Variants in EXD3 observed in about 807,000 individuals in gnomAD.
EXD3 encodes the protein exonuclease 3'-5' domain containing 3.
Under a neutral mutation model 98.0 loss-of-function variants are expected in EXD3, and 92 were observed. The ratio of observed to expected loss-of-function variants is 0.94; its 90% CI spans 0.79 to 1.12. The LOEUF is 1.12. Among genes scored for constraint, EXD3 ranks in the 50% most tolerant of loss-of-function variants. The probability of loss-of-function intolerance (pLI) is 0.00; values close to 1 mark genes in which losing one functional copy is unlikely to be tolerated. For missense variants in EXD3, 1,222 were observed against 1,191.6 expected (o/e 1.03, Z -0.38); for synonymous variants, 569 against 526.0 (o/e 1.08, Z -1.12).
chr9:137,364,843 A>G (rs1299565861), intron 7 of EXD3, among the ~76,000 whole-genome samples: 1 of 141,418 alleles, frequency 7.1e-6, no homozygotes, highest in African/African-American at 2.7e-5. Flanking sequence ...ATCTCGGCTC[A>G]CTGCAAGCTC....
chr9:137,399,048 A>G (rs1009149483), intron 1 of EXD3, among the ~76,000 whole-genome samples: 4 of 151,264 alleles, frequency 2.6e-5, no homozygotes, highest in African/African-American at 9.7e-5. Flanking sequence ...ACATACACAG[A>G]CTGTCCCTGT....
At position 137,407,865 on chromosome 9, in the gene EXD3, G is replaced by A. The variant is rs984096430; in HGVS notation, c.-47-12461C>T. Among the ~76,000 whole-genome samples the A allele has an allele frequency of 7.1e-6, 1 of 140,230 alleles. No homozygotes were observed. Among genetic ancestry groups the A allele is most frequent in the African/African-American group, 2.5e-5 (1 of 40,510 alleles). 92.0% of individuals were successfully genotyped at this position (140,230 alleles called of 152,430 possible). A position where few individuals can be genotyped will look rare whatever the true frequency, so the allele number is the denominator to read the frequency against. On this transcript the variant is annotated intron_variant, in intron 1 of 21. Transcript: ENST00000340951. This position sits in a 1 kb window ranked among gnomAD's most constrained non-coding sequence, Gnocchi z 4.4. ...GCGGGAGGGGCACAGCAAAGGGTCT[G>A]GGGGGAGGCCGGAGGGGGCTTTCCC...
chr9:137,392,674 G>A (rs894164517), intron 2 of EXD3: 9 of 337,076 alleles, frequency 2.7e-5, no homozygotes, highest in African/African-American at 1.9e-4. Flanking sequence ...GAAGCGCCAG[G>A]CTGTTCCAGG....
In EXD3 at chr9:137,395,378, C is replaced by G; in HGVS notation, c.-21G>C. 1.2e-6 allele frequency: 2 copies of G among 1,613,212 alleles called. No homozygotes were observed. Among genetic ancestry groups the G allele is most frequent in the Non-Finnish European group, 1.7e-6 (2 of 1,179,768 alleles). On this transcript the variant is annotated 5_prime_UTR_variant, in exon 2 of 22. Coordinates refer to ENST00000340951, the MANE Select transcript of EXD3 (RefSeq NM_017820.5). This position sits in a 1 kb window ranked among gnomAD's most constrained non-coding sequence, Gnocchi z 6.5. ...TCCATCCTCAGGGCCGGGCCGAGGACGCTGGCAGGCAGCTAGGAACGAGGA... is the reference window on the plus strand; with the variant it reads ...TCCATCCTCAGGGCCGGGCCGAGGAGGCTGGCAGGCAGCTAGGAACGAGGA...
At chr9:137,399,356 C>T (rs1023097985) in intron 1 of EXD3, among the ~76,000 whole-genome samples, 5 of 152,346 alleles carry the variant, frequency 3.3e-5, no homozygotes, top group East Asian at 3.9e-4. Context: ...CTGCCCTCCA[C>T]GCCCTCAGTT....
intron 1 of EXD3, among the ~76,000 whole-genome samples, chr9:137,417,281 T>C (rs1838282002): frequency 6.6e-6 from 1 of 152,000 alleles, no homozygotes; most frequent in Non-Finnish European, 1.5e-5. Flanking sequence ...CCACGGCTTG[T>C]CGTGAAAATG....
intron 3 of EXD3, among the ~76,000 whole-genome samples, chr9:137,378,383 A>AT (rs1564191250): frequency 1.3e-5 from 2 of 151,814 alleles, no homozygotes; most frequent in African/African-American, 4.8e-5. Context: ...TAATTGTTGT[A>AT]TTTTTTGGTT....
At chr9:137,323,512 T>A (rs371114644) in intron 19 of EXD3, among the ~76,000 whole-genome samples, 2 of 51,876 alleles carry the variant, frequency 3.9e-5, no homozygotes, top group Non-Finnish European at 3.1e-5. Context: ...TGCCGACACC[T>A]CACCCCGGAC....
chr9:137,371,504 G>A lies in EXD3; in HGVS notation c.462+1401C>T, dbSNP rs1209607490. Among the ~76,000 whole-genome samples, 1 of 152,128 alleles carries A rather than the reference G, an allele frequency of 6.6e-6. No individual in the cohort carries two copies. The highest frequency in any genetic ancestry group is 1.5e-5 in the Non-Finnish European group (1 of 67,994). Reference sequence around the variant, plus strand: ...GGTCTTGCTGGGAAGAGGAACCCAGGGTGCCATCGGGACGGCGTCTCAGCA... The same window carrying A: ...GGTCTTGCTGGGAAGAGGAACCCAGAGTGCCATCGGGACGGCGTCTCAGCA... On this transcript the variant is annotated intron_variant, in intron 5 of 21. Transcript: ENST00000340951. The surrounding 1 kb of genome is among the most constrained non-coding windows in gnomAD (Gnocchi z 8.0).
At chr9:137,381,562 T>A (rs547471728) in intron 3 of EXD3, among the ~76,000 whole-genome samples, 2 of 151,004 alleles carry the variant, frequency 1.3e-5, no homozygotes, top group East Asian at 4.0e-4. Flanking sequence ...CCCTGCCTCC[T>A]CCTCCTGCCC....
At chr9:137,352,860 C>G in intron 10 of EXD3, 74 bp from the exon 11 acceptor site, 1 of 1,500,742 alleles carries the variant, frequency 6.7e-7, no homozygotes. Context: ...GAGGGACCCC[C>G]GTAGACCCCG....
rs762907046 is a variant in EXD3 at position 137,322,446 on chromosome 9, AC to A, written c.2184+1278del. Among the ~76,000 whole-genome samples, 485 of 128,934 alleles carry A rather than the reference AC, an allele frequency of 3.8e-3. 1 individual carries two copies. Among genetic ancestry groups the A allele is most frequent in the Non-Finnish European group, 5.1e-3 (311 of 60,854 alleles). 84.6% of individuals were successfully genotyped at this position (128,934 alleles called of 152,430 possible). A position where few individuals can be genotyped will look rare whatever the true frequency, so the allele number is the denominator to read the frequency against. ...ATGCTCTGCCGACACCTCACCCCGGACCCACGAGGGATGCTCTGCCGACACC... is the reference window on the plus strand; with the variant it reads ...ATGCTCTGCCGACACCTCACCCCGGACCACGAGGGATGCTCTGCCGACACC... On this transcript the variant is annotated intron_variant, in intron 19 of 21. Coordinates refer to ENST00000340951, the MANE Select transcript of EXD3 (RefSeq NM_017820.5).
intron 14 of EXD3, among the ~76,000 whole-genome samples, chr9:137,350,066 G>A (rs1243650568): frequency 7.3e-6 from 1 of 136,440 alleles, no homozygotes; most frequent in Non-Finnish European, 1.6e-5. Flanking sequence ...TAGATAGAGA[G>A]GGGTGGGGAT....
chr9:137,377,571 T>G (rs1407461200), intron 3 of EXD3, among the ~76,000 whole-genome samples: 1 of 150,916 alleles, frequency 6.6e-6, no homozygotes, highest in Non-Finnish European at 1.5e-5. Flanking sequence ...GTCAGAAGTT[T>G]AAGACCAGAC....
intron 5 of EXD3, among the ~76,000 whole-genome samples, chr9:137,370,416 G>A (rs984695862): frequency 3.9e-5 from 6 of 152,080 alleles, no homozygotes; most frequent in South Asian, 2.1e-4. Context: ...GGAGGAACGA[G>A]CCCGGGGCTG....
chr9:137,378,539 C>G (rs28558074), intron 3 of EXD3, among the ~76,000 whole-genome samples: 1 of 152,066 alleles, frequency 6.6e-6, no homozygotes, highest in Non-Finnish European at 1.5e-5. Flanking sequence ...CAGGGGCTCA[C>G]GCAGATGTTT....
intron 17 of EXD3, among the ~76,000 whole-genome samples, chr9:137,342,850 G>A (rs553094598): frequency 7.9e-5 from 12 of 152,312 alleles, no homozygotes; most frequent in East Asian, 7.7e-4. Context: ...GGCCAGGCAC[G>A]GTGGCTCATG....
intron 2 of EXD3, among the ~76,000 whole-genome samples, chr9:137,388,410 C>T (rs550543289): frequency 5.3e-5 from 8 of 152,330 alleles, no homozygotes; most frequent in Admixed American, 2.6e-4. Flanking sequence ...ACGCCACTTC[C>T]TCCAAACGAC....
rs1007082374 is a variant in EXD3, at chr9:137,349,916, G to A, written c.1495-385C>T. ...AGCAGAAACGCAGACAAAATGCAGCGAAACCACCCCCGGGGGGCTCTAGTG... is the reference window on the plus strand; with the variant it reads ...AGCAGAAACGCAGACAAAATGCAGCAAAACCACCCCCGGGGGGCTCTAGTG... On this transcript the variant is annotated intron_variant, in intron 14 of 21. Coordinates refer to ENST00000340951, the MANE Select transcript of EXD3 (RefSeq NM_017820.5). The surrounding 1 kb of genome is among the most constrained non-coding windows in gnomAD (Gnocchi z 7.4). Among the ~76,000 whole-genome samples, 5 of 152,038 alleles carry A rather than the reference G, an allele frequency of 3.3e-5. No homozygotes were observed. The highest frequency in any genetic ancestry group is 1.9e-4 in the East Asian group (1 of 5,134).
Sources: gnomAD v4.1 joint callset for allele counts (sites outside exome capture counted in the v4.1 genomes callset) on GRCh38, gnomAD v4.1.1 for gene constraint, Gnocchi (gnomAD v3.1) non-coding constraint, MANE v1.5 for transcripts, NCBI Gene and HGNC (gene_info 2026-07-23, HGNC 2026-07-21) for gene names.